The following AP3B1 variants were observed in gnomAD, a reference collection of about 807,000 sequenced individuals.
AP3B1 encodes the protein adaptor related protein complex 3 subunit beta 1, also known as AP-3 complex subunit beta-1.
A neutral mutation model predicts 132.5 loss-of-function variants in AP3B1; 61 were observed. The observed-to-expected ratio is 0.46, with a 90% confidence interval of 0.37 to 0.57. The LOEUF (loss-of-function observed/expected upper bound fraction) is 0.57, where lower values mean the gene tolerates loss of function less well. Ranked by LOEUF, AP3B1 falls within the 20% of genes least tolerant of loss-of-function variation. AP3B1 has a pLI of 0.00. For synonymous variants in AP3B1, 388 were observed against 438.3 expected (o/e 0.89, Z 1.43); for missense variants, 1,120 against 1,289.4 (o/e 0.87, Z 2.01).
At chr5:78,027,076 A>T (rs2112078549) in intron 24 of AP3B1, among the ~76,000 whole-genome samples, 1 of 152,044 alleles carries the variant, frequency 6.6e-6, no homozygotes, top group South Asian at 2.1e-4. Flanking sequence ...CTTTTTCTTT[A>T]CTTGTAGAGA....
chr5:78,160,013 C>T (rs1182415966), intron 13 of AP3B1, among the ~76,000 whole-genome samples: 6 of 152,180 alleles, frequency 3.9e-5, no homozygotes, highest in African/African-American at 1.2e-4. Context: ...GTAATTTACT[C>T]AGGATAGCTG....
At chr5:78,205,863 T>A (rs113096353) in intron 7 of AP3B1, among the ~76,000 whole-genome samples, 318 of 31,240 alleles carry the variant, frequency 0.01, 1 homozygote, top group African/African-American at 0.035. Flanking sequence ...CTAAAAAAAT[T>A]TTTTTTTTTC....
intron 24 of AP3B1, among the ~76,000 whole-genome samples, chr5:78,031,971 T>C (rs1008452671): frequency 6.6e-6 from 1 of 152,202 alleles, no homozygotes; most frequent in Non-Finnish European, 1.5e-5. Flanking sequence ...GGGATGAGGA[T>C]CTGTTTATGT....
At chr5:78,106,358 T>A (rs542905026) in intron 20 of AP3B1, among the ~76,000 whole-genome samples, 1 of 152,184 alleles carries the variant, frequency 6.6e-6, no homozygotes, top group South Asian at 2.1e-4. Flanking sequence ...CCCAGGAGGC[T>A]GAGGTGGGAG....
At chr5:78,045,192 C>T (rs1748270954) in intron 22 of AP3B1, among the ~76,000 whole-genome samples, 1 of 151,972 alleles carries the variant, frequency 6.6e-6, no homozygotes, top group Non-Finnish European at 1.5e-5. Context: ...GCCAGCCTGG[C>T]CAACATGGTG....
chr5:78,158,087 G>A (rs1262605286), intron 13 of AP3B1, among the ~76,000 whole-genome samples: 2 of 152,022 alleles, frequency 1.3e-5, no homozygotes, highest in South Asian at 2.1e-4. Flanking sequence ...ATAAAGCTCC[G>A]TTTAAGAATA....
At chr5:78,038,801 C>CT (rs1314168314) in intron 23 of AP3B1, among the ~76,000 whole-genome samples, 2 of 152,152 alleles carry the variant, frequency 1.3e-5, no homozygotes, top group South Asian at 2.1e-4. Context: ...CAGACCTAGC[C>CT]TTCCATCACT....
chr5:78,128,141 A>C lies in AP3B1; in HGVS notation c.1857T>G (p.Leu619=), dbSNP rs115892142. Residue 619 remains leucine, a synonymous_variant, in exon 17 of 27, where the codon CTT becomes CTG. Coordinates refer to ENST00000255194, the MANE Select transcript of AP3B1 (RefSeq NM_003664.5). ...SPFKDRDHFQ[L]GTLSHTLNIK... ...TGTTGAGAGTATGAGATAAGGTGCC[A>C]AGCTGGAAATGATCTCTATCTATTA... 2.4e-3 allele frequency: 3,820 copies of C among 1,608,940 alleles called. 9 individuals are homozygous for C. Among genetic ancestry groups the C allele is most frequent in the Non-Finnish European group, 2.8e-3 (3,269 of 1,175,500 alleles).
intron 1 of AP3B1, among the ~76,000 whole-genome samples, chr5:78,275,821 C>T (rs994845957): frequency 2.0e-5 from 3 of 151,922 alleles, no homozygotes; most frequent in South Asian, 2.1e-4. Context: ...AACCAGGAAA[C>T]GAAAAATTCA....
At chr5:78,272,940 A>G (rs537061537) in intron 1 of AP3B1, among the ~76,000 whole-genome samples, 1 of 152,116 alleles carries the variant, frequency 6.6e-6, no homozygotes, top group South Asian at 2.1e-4. Context: ...AGGGACTTCC[A>G]TATCTGTCCA....
rs572300103 is a variant in AP3B1 at position 78,198,019 on chromosome 5, A to G, written c.787-16357T>C. ...TGCACACAATTTACATAAATTATCAATAGTCACAGAGATTAAAAATGGTAG... is the reference window on the plus strand; with the variant it reads ...TGCACACAATTTACATAAATTATCAGTAGTCACAGAGATTAAAAATGGTAG... On this transcript the variant is annotated intron_variant, in intron 7 of 26. Transcript: ENST00000255194. Among the ~76,000 whole-genome samples the G allele has an allele frequency of 6.6e-5, 10 of 152,322 alleles. No individual in the cohort carries two copies. In the South Asian group the frequency reaches 2.1e-3, roughly 32 times the overall value.
chr5:78,253,172 C>T (rs1747710594), intron 2 of AP3B1, among the ~76,000 whole-genome samples: 1 of 152,248 alleles, frequency 6.6e-6, no homozygotes, highest in African/African-American at 2.4e-5. Context: ...TGTTACTGAG[C>T]TTGGGGTGCC....
intron 7 of AP3B1, among the ~76,000 whole-genome samples, chr5:78,195,522 C>T (rs1450086144): frequency 6.6e-6 from 1 of 152,082 alleles, no homozygotes; most frequent in Non-Finnish European, 1.5e-5. Context: ...GATGCTGGAA[C>T]AAACGAAGAG....
chr5:78,143,816 C>T (rs1299243776), intron 14 of AP3B1, among the ~76,000 whole-genome samples: 1 of 152,030 alleles, frequency 6.6e-6, no homozygotes, highest in African/African-American at 2.4e-5. Flanking sequence ...GAGTTTGAGA[C>T]CAGCCTGGCC....
At chr5:78,118,491 CAACGGGCTTCAAA>C (rs1173221108) in intron 17 of AP3B1, among the ~76,000 whole-genome samples, 1 of 152,210 alleles carries the variant, frequency 6.6e-6, no homozygotes, top group African/African-American at 2.4e-5. Flanking sequence ...TGCGCTTTTC[CAACGGGCTTCAAA>C]AACGGCACAC....
intron 25 of AP3B1, chr5:78,015,868 G>T (rs1198126950): frequency 7.3e-6 from 2 of 274,386 alleles, no homozygotes; most frequent in Admixed American, 1.0e-4. Context: ...TCAATCTGGG[G>T]TTTATGTAAA....
In AP3B1 at chr5:78,052,242, C is replaced by T. The variant is rs1317104402; in HGVS notation, c.2578-12968G>A. On this transcript the variant is annotated intron_variant, in intron 22 of 26. Coordinates refer to ENST00000255194, the MANE Select transcript of AP3B1 (RefSeq NM_003664.5). Reference sequence around the variant, plus strand: ...TATAAAGCACACAAGACTTTCTCACCTCTTATTTTGGTAATAATATATATT... The same window carrying T: ...TATAAAGCACACAAGACTTTCTCACTTCTTATTTTGGTAATAATATATATT... Among the ~76,000 whole-genome samples the T allele has an allele frequency of 2.6e-5, 4 of 151,834 alleles. No individual in the cohort carries two copies. The East Asian group carries it at 7.7e-4, about 29-fold the overall frequency.
At chr5:78,211,697 C>T (rs1048603538) in intron 7 of AP3B1, among the ~76,000 whole-genome samples, 1 of 152,178 alleles carries the variant, frequency 6.6e-6, no homozygotes, top group African/African-American at 2.4e-5. Context: ...CATGTCTGAG[C>T]ACTATGGATT....
At chr5:78,141,663 A>T (rs1753152129) in intron 14 of AP3B1, among the ~76,000 whole-genome samples, 2 of 152,126 alleles carry the variant, frequency 1.3e-5, no homozygotes, top group Admixed American at 1.3e-4. Flanking sequence ...TTTGTGCTAT[A>T]ATGGCAGAAA....
Sources: allele counts gnomAD v4.1 joint callset (sites outside exome capture counted in the v4.1 genomes callset), GRCh38; gene constraint gnomAD v4.1.1; transcripts MANE v1.5; gene names NCBI Gene and HGNC (gene_info 2026-07-23, HGNC 2026-07-21).